DNTTIP1: variants seen among roughly 807,000 people sequenced by gnomAD.
The protein encoded by DNTTIP1 is deoxynucleotidyltransferase terminal-interacting protein 1.
In DNTTIP1, 22 loss-of-function variants were observed where a neutral mutation model predicts 52.9. The ratio of observed to expected loss-of-function variants is 0.42; its 90% CI spans 0.30 to 0.59. The LOEUF is 0.59. DNTTIP1 is among the 20% of genes least tolerant of loss of function. The pLI, the probability that DNTTIP1 is intolerant of heterozygous loss-of-function variation, is 0.22. For synonymous variants in DNTTIP1, 136 were observed against 155.1 expected, an observed-to-expected ratio of 0.88 and a Z score of 0.92; for missense variants, 286 against 435.5, an observed-to-expected ratio of 0.66 and a Z score of 3.06.
At chr20:45,797,967 C>T (rs1434640770) in intron 4 of DNTTIP1, among the ~76,000 whole-genome samples, 1 of 152,160 alleles carries the variant, frequency 6.6e-6, no homozygotes, top group Non-Finnish European at 1.5e-5. Context: ...TTTGACCCAG[C>T]CATCCCATTA....
At chr20:45,803,275 G>A in intron 7 of DNTTIP1, 58 bp from the exon 8 acceptor site, 1 of 1,563,186 alleles carries the variant, frequency 6.4e-7, no homozygotes, top group Non-Finnish European at 8.8e-7. Flanking sequence ...CAGCAAGCTG[G>A]CATTTAGTCC....
intron 4 of DNTTIP1, 46 bp downstream of exon 4, chr20:45,795,489 C>T: frequency 2.5e-6 from 3 of 1,220,048 alleles, no homozygotes; most frequent in Non-Finnish European, 2.4e-6. Flanking sequence ...GTTTAGCTCT[C>T]GAGCCTCTGA....
chr20:45,801,521 C>T, intron 6 of DNTTIP1, 63 bp downstream of exon 6: 2 of 1,550,062 alleles, frequency 1.3e-6, no homozygotes, highest in Non-Finnish European at 1.8e-6. Context: ...GGTGTGGTGG[C>T]TCACACCTGT....
rs1435273760 is a variant in DNTTIP1 at position 45,811,393 on chromosome 20, CAATT to C, written c.*201_*204del. ...TTTGTAAAGTTATTGGGATAAGAAA[CAATT>C]AAACAGTTTGTAGTAAACACAGATG... On this transcript the variant is annotated 3_prime_UTR_variant, in exon 13 of 13. Coordinates refer to ENST00000372622, the MANE Select transcript of DNTTIP1 (RefSeq NM_052951.3). The C allele has an allele frequency of 1.3e-5, 7 of 559,078 alleles. No homozygotes were observed. The highest frequency in any genetic ancestry group is 9.4e-5 in the African/African-American group (5 of 53,324). 34.6% of individuals were successfully genotyped at this position (559,078 alleles called of 1,614,324 possible).
chr20:45,802,242 C>T (rs1462292944), intron 7 of DNTTIP1, among the ~76,000 whole-genome samples, 185 bp downstream of exon 7: 2 of 152,058 alleles, frequency 1.3e-5, no homozygotes, highest in African/African-American at 4.8e-5. Context: ...ATTGTTTTAC[C>T]CCCTGAACGG....
chr20:45,806,781 T>C (rs960475287), intron 10 of DNTTIP1, among the ~76,000 whole-genome samples: 2 of 152,240 alleles, frequency 1.3e-5, no homozygotes, highest in African/African-American at 2.4e-5. Context: ...TTTGTTTTCC[T>C]CTCTTAATGT....
chr20:45,792,183 G>A (rs918520261), intron 1 of DNTTIP1, 74 bp downstream of exon 1: 1 of 913,262 alleles, frequency 1.1e-6, no homozygotes, highest in Non-Finnish European at 1.4e-6. Flanking sequence ...TGGCCCGCGG[G>A]CGAGAGAACG....
At chr20:45,797,523 T>A (rs1344214869) in intron 4 of DNTTIP1, among the ~76,000 whole-genome samples, 2 of 152,024 alleles carry the variant, frequency 1.3e-5, no homozygotes, top group Non-Finnish European at 2.9e-5. Flanking sequence ...GCAAAAGAAA[T>A]GACCATCAGA....
chr20:45,800,139 A>G (rs899314208), intron 4 of DNTTIP1, among the ~76,000 whole-genome samples: 1 of 151,922 alleles, frequency 6.6e-6, no homozygotes, highest in African/African-American at 2.4e-5. Flanking sequence ...AAGAAAAAAG[A>G]AAAACAGCAG....
At position 45,800,740 on chromosome 20, in the gene DNTTIP1, T is replaced by A. The variant is rs1389798217; in HGVS notation, c.373-334T>A. ...ATATATATATATATATATATATATA[T>A]ATATATATATATATATTTGGAAGTG... On this transcript the variant is annotated intron_variant, in intron 4 of 12. Transcript: ENST00000372622. Among the ~76,000 whole-genome samples the A allele has an allele frequency of 1.4e-3, 128 of 88,604 alleles. 14 individuals are homozygous for A. The highest frequency in any genetic ancestry group is 6.0e-3 in the African/African-American group (125 of 20,730). 58.1% of individuals were successfully genotyped at this position (88,604 alleles called of 152,430 possible). A position where few individuals can be genotyped will look rare whatever the true frequency, so the allele number is the denominator to read the frequency against.
intron 5 of DNTTIP1, 124 bp downstream of exon 5, chr20:45,801,266 C>G: frequency 7.3e-7 from 1 of 1,369,830 alleles, no homozygotes; most frequent in Non-Finnish European, 1.0e-6. Context: ...CACACAGCAT[C>G]ATGCTGGATG....
At position 45,801,087 on chromosome 20, in the gene DNTTIP1, T is replaced by G. The variant is rs1333949610; in HGVS notation, c.386T>G (p.Phe129Cys). Residue 129 changes from phenylalanine (F) to cysteine (C), a missense_variant, in exon 5 of 13, where the codon TTT becomes TGT. By Grantham distance (205) the Phe-to-Cys change is radical. Coordinates refer to ENST00000372622, the MANE Select transcript of DNTTIP1 (RefSeq NM_052951.3). The part of the protein sequence containing the change: ...RSCLEQAKLL[F>C]SDGEKVIPRL... Reference sequence around the variant, plus strand: ...TTTTCCCTTCAGGCTAAACTGCTCTTTTCAGATGGAGAAAAAGTAATACCC... The same window carrying G: ...TTTTCCCTTCAGGCTAAACTGCTCTGTTCAGATGGAGAAAAAGTAATACCC... The G allele has an allele frequency of 6.2e-7, 1 of 1,614,096 alleles. No individual in the cohort carries two copies.
rs976522824 is a variant in DNTTIP1, at chr20:45,810,946, A to C, written c.851+6A>C. 5 of 1,613,982 alleles carry C rather than the reference A, an allele frequency of 3.1e-6. No individual in the cohort carries two copies. The Admixed American group carries it at 8.3e-5, about 27-fold the overall frequency. On this transcript the variant is annotated splice_donor_region_variant and intron_variant, in intron 12 of 12. Transcript: ENST00000372622. ...GCGGCCAGTGATGATTACAGGTAAA[A>C]CCAGTGGGTCTCCTGCCCCTTCTCC...
intron 1 of DNTTIP1, 146 bp from the exon 2 acceptor site, chr20:45,792,531 C>A: frequency 3.2e-6 from 2 of 624,844 alleles, no homozygotes; most frequent in South Asian, 2.3e-5. Context: ...GGAGGCCTTA[C>A]AACTATCGTC....
chr20:45,799,692 T>C (rs1981359709), intron 4 of DNTTIP1, among the ~76,000 whole-genome samples: 1 of 152,162 alleles, frequency 6.6e-6, no homozygotes, highest in African/African-American at 2.4e-5. Flanking sequence ...GATCCACAGT[T>C]ACCTTGTTTG....
Position 45,794,032 on chromosome 20 carries a change from G to A in DNTTIP1, c.273+15G>A. 1 of 1,540,818 alleles carries A rather than the reference G, an allele frequency of 6.5e-7. No individual in the cohort carries two copies. Among genetic ancestry groups the A allele is most frequent in the Admixed American group, 1.9e-5 (1 of 53,856 alleles). Reference sequence around the variant, plus strand: ...AGTACATGAAGGTGAGAGGGACACAGGATAAAAAATAACAGGAGAAAGACT... The same window carrying A: ...AGTACATGAAGGTGAGAGGGACACAAGATAAAAAATAACAGGAGAAAGACT... On this transcript the variant is annotated intron_variant, in intron 3 of 12. Transcript: ENST00000372622.
chr20:45,795,989 A>T (rs1035799373), intron 4 of DNTTIP1, among the ~76,000 whole-genome samples: 3 of 152,134 alleles, frequency 2.0e-5, no homozygotes, highest in Admixed American at 2.0e-4. Context: ...TGTACAGAAG[A>T]TATCTTTTAA....
chr20:45,798,805 T>C (rs1385148352), intron 4 of DNTTIP1, among the ~76,000 whole-genome samples: 1 of 152,234 alleles, frequency 6.6e-6, no homozygotes, highest in Non-Finnish European at 1.5e-5. Flanking sequence ...TGTTCACCAC[T>C]GTATTCCCAG....
At chr20:45,793,839 C>A in intron 2 of DNTTIP1, 82 bp from the exon 3 acceptor site, 1 of 807,608 alleles carries the variant, frequency 1.2e-6, no homozygotes, top group Non-Finnish European at 1.9e-6. Context: ...TTAAGGAATT[C>A]TATGTCCATA....
Sources: gnomAD v4.1 joint callset for allele counts (sites outside exome capture counted in the v4.1 genomes callset) on GRCh38, gnomAD v4.1.1 for gene constraint, MANE v1.5 for transcripts, NCBI Gene and HGNC (gene_info 2026-07-23, HGNC 2026-07-21) for gene names.